Variants in STXBP5 observed in about 807,000 individuals in gnomAD.
The protein encoded by STXBP5 is syntaxin binding protein 5.
In STXBP5, 50 loss-of-function variants were observed where a neutral mutation model predicts 152.4. The ratio of observed to expected loss-of-function variants is 0.33; its 90% confidence interval spans 0.26 to 0.42. The LOEUF is 0.42. STXBP5 is among the 10% of genes least tolerant of loss of function. The pLI is 1.00. For synonymous variants in STXBP5, 492 were observed against 494.7 expected (o/e 0.99, Z 0.07); for missense variants, 1,167 against 1,388.6 (o/e 0.84, Z 2.54).
At chr6:147,326,493 C>T (rs919825475) in intron 17 of STXBP5, among the ~76,000 whole-genome samples, 1 of 152,166 alleles carries the variant, frequency 6.6e-6, no homozygotes, top group African/African-American at 2.4e-5. Context: ...TTAGATGTGC[C>T]ATACAATCTT....
intron 2 of STXBP5, among the ~76,000 whole-genome samples, chr6:147,234,363 G>GTT (rs376969191): frequency 1.3e-5 from 2 of 150,640 alleles, no homozygotes; most frequent in African/African-American, 4.9e-5. Flanking sequence ...CAAATGTACA[G>GTT]TTTTTTTTTC....
chr6:147,355,615 C>T (rs1000121436), intron 22 of STXBP5, among the ~76,000 whole-genome samples: 14 of 152,116 alleles, frequency 9.2e-5, no homozygotes, highest in Admixed American at 1.3e-4. Context: ...TGGAGACAGA[C>T]ACAAATTCTG....
chr6:147,361,348 A>G (rs962557678), intron 23 of STXBP5, among the ~76,000 whole-genome samples: 1 of 152,216 alleles, frequency 6.6e-6, no homozygotes, highest in African/African-American at 2.4e-5. Context: ...ATACTTTCCA[A>G]CTTGCAATAA....
intron 2 of STXBP5, among the ~76,000 whole-genome samples, chr6:147,225,815 ATTG>A (rs1254659460): frequency 6.6e-6 from 1 of 152,206 alleles, no homozygotes; most frequent in Non-Finnish European, 1.5e-5. Flanking sequence ...AAGAGGAAAT[ATTG>A]TTGTGATTGT....
chr6:147,348,370 A>G (rs1784435565), intron 21 of STXBP5, among the ~76,000 whole-genome samples: 1 of 134,048 alleles, frequency 7.5e-6, no homozygotes, highest in South Asian at 2.3e-4. Flanking sequence ...CCTTCCTCCT[A>G]CTCCCTGTCC....
At chr6:147,248,168 T>C (rs1225587997) in intron 4 of STXBP5, among the ~76,000 whole-genome samples, 1 of 151,516 alleles carries the variant, frequency 6.6e-6, no homozygotes, top group South Asian at 2.1e-4. Context: ...TATTCCCAGC[T>C]ACTCGGGAGC....
In STXBP5 at chr6:147,204,429, C is replaced by T. The variant is rs1006462119; in HGVS notation, c.-104C>T. The T allele has an allele frequency of 8.0e-6, 9 of 1,125,758 alleles. No homozygotes were observed. The highest frequency in any genetic ancestry group is 2.3e-5 in the Admixed American group (1 of 43,514). 69.7% of individuals were successfully genotyped at this position (1,125,758 alleles called of 1,614,324 possible). ...CCTCCTTACCCTCACACTCCCACTC[C>T]TCCGTTTCCGCGGTCGAAGCTGCCT... is the stretch of plus-strand genomic sequence containing the variant. On this transcript the variant is annotated 5_prime_UTR_variant, in exon 1 of 28. Coordinates refer to ENST00000321680, the MANE Select transcript of STXBP5 (RefSeq NM_001127715.4). The surrounding 1 kb of genome is among the most constrained non-coding windows in gnomAD (Gnocchi z 4.3).
At position 147,213,477 on chromosome 6, in the gene STXBP5, T is replaced by TGTGTGTGTGTGTGTGCGCGCGC; in HGVS notation, c.248+7410_248+7411insTGTGTGTGTGTGTGCGCGCGCG. On this transcript the variant is annotated intron_variant, in intron 2 of 27. Coordinates refer to ENST00000321680, the MANE Select transcript of STXBP5 (RefSeq NM_001127715.4). Reference sequence around the variant, plus strand: ...GTGTGTGTGTGTGTGTGTGTGTGTGTGCGCGCGCATATATATATTTTTTCT... The same window carrying TGTGTGTGTGTGTGTGCGCGCGC: ...GTGTGTGTGTGTGTGTGTGTGTGTGTGTGTGTGTGTGTGTGCGCGCGCGCGCGCGCATATATATATTTTTTCT... Among the ~76,000 whole-genome samples, 90 of 131,310 alleles carry TGTGTGTGTGTGTGTGCGCGCGC rather than the reference T, an allele frequency of 6.9e-4. 1 individual carries two copies. Among genetic ancestry groups the TGTGTGTGTGTGTGTGCGCGCGC allele is most frequent in the African/African-American group, 2.2e-3 (68 of 31,354 alleles). 86.1% of individuals were successfully genotyped at this position (131,310 alleles called of 152,430 possible).
At chr6:147,237,067 C>T (rs1294413932) in intron 3 of STXBP5, among the ~76,000 whole-genome samples, 2 of 152,050 alleles carry the variant, frequency 1.3e-5, no homozygotes, top group Admixed American at 6.6e-5. Context: ...TGAGCCACCA[C>T]GCCTGACCTG....
rs1400143548 is a variant in STXBP5 at position 147,303,551 on chromosome 6, C to T, written c.918-6533C>T. ...AATTGGCACCAGGAGTGGGGCACTGCTGAAAAGATATCCAAAAATGTGGAA... is the reference window on the plus strand; with the variant it reads ...AATTGGCACCAGGAGTGGGGCACTGTTGAAAAGATATCCAAAAATGTGGAA... On this transcript the variant is annotated intron_variant, in intron 9 of 27. Coordinates refer to ENST00000321680, the MANE Select transcript of STXBP5 (RefSeq NM_001127715.4). Among the ~76,000 whole-genome samples, 3 of 152,258 alleles carry T rather than the reference C, an allele frequency of 2.0e-5. No homozygotes were observed. In the East Asian group the frequency reaches 5.8e-4, roughly 29 times the overall value.
rs1024034582 is a variant in STXBP5, at chr6:147,204,883, T to G, written c.150+201T>G. On this transcript the variant is annotated intron_variant, in intron 1 of 27. Transcript: ENST00000321680. The surrounding 1 kb of genome is among the most constrained non-coding windows in gnomAD (Gnocchi z 4.3). ...GAGATTGATACCTTACTCCTTTTCA[T>G]TGATTTTTCTCTCTCCCCTTTGCAC... is the stretch of plus-strand genomic sequence containing the variant. Among the ~76,000 whole-genome samples the G allele has an allele frequency of 1.3e-5, 2 of 152,202 alleles. No individual in the cohort carries two copies. Among genetic ancestry groups the G allele is most frequent in the Admixed American group, 1.3e-4 (2 of 15,278 alleles).
intron 7 of STXBP5, among the ~76,000 whole-genome samples, chr6:147,270,012 C>G (rs1780078651): frequency 1.3e-5 from 2 of 152,154 alleles, no homozygotes; most frequent in African/African-American, 4.8e-5. Flanking sequence ...AAAGCACAAT[C>G]TTCAATTCCT....
intron 25 of STXBP5, 106 bp downstream of exon 25, chr6:147,364,272 C>T: frequency 9.7e-7 from 1 of 1,031,242 alleles, no homozygotes. Flanking sequence ...AGTGAGCCTG[C>T]TTGGGAAAAT....
intron 7 of STXBP5, among the ~76,000 whole-genome samples, chr6:147,270,550 G>A (rs763287520): frequency 1.6e-4 from 24 of 151,084 alleles, no homozygotes; most frequent in African/African-American, 5.6e-4. Flanking sequence ...AAAAATAAAG[G>A]CAAAATAAAC....
intron 9 of STXBP5, among the ~76,000 whole-genome samples, chr6:147,309,485 ATTAG>A (rs1227662904): frequency 6.6e-6 from 1 of 152,152 alleles, no homozygotes; most frequent in Non-Finnish European, 1.5e-5. Context: ...GAATGGGAAA[ATTAG>A]TTATAACAGA....
At chr6:147,272,217 T>G (rs1780206928) in intron 7 of STXBP5, among the ~76,000 whole-genome samples, 1 of 152,066 alleles carries the variant, frequency 6.6e-6, no homozygotes, top group African/African-American at 2.4e-5. Context: ...TTCTTAAAAA[T>G]GGAAGAGAAG....
At chr6:147,371,436 A>G (rs1377299941) in intron 25 of STXBP5, among the ~76,000 whole-genome samples, 1 of 152,054 alleles carries the variant, frequency 6.6e-6, no homozygotes, top group Non-Finnish European at 1.5e-5. Flanking sequence ...TCTCTATGTG[A>G]TAGATTTTTC....
At chr6:147,232,869 C>T (rs1029381231) in intron 2 of STXBP5, among the ~76,000 whole-genome samples, 10 of 151,852 alleles carry the variant, frequency 6.6e-5, no homozygotes, top group African/African-American at 2.2e-4. Context: ...AAGAGTAAAA[C>T]GTCTCTTGAC....
intron 10 of STXBP5, 83 bp downstream of exon 10, chr6:147,310,321 A>C: frequency 9.1e-7 from 1 of 1,097,980 alleles, no homozygotes; most frequent in Non-Finnish European, 1.2e-6. Flanking sequence ...TTTAGATAAA[A>C]CTACTCATCC....
Sources: gnomAD v4.1 joint callset for allele counts (sites outside exome capture counted in the v4.1 genomes callset) on GRCh38, gnomAD v4.1.1 for gene constraint, Gnocchi (gnomAD v3.1) non-coding constraint, MANE v1.5 for transcripts, NCBI Gene and HGNC (gene_info 2026-07-23, HGNC 2026-07-21) for gene names.